The following CDH12 variants were observed in gnomAD, a reference collection of about 807,000 sequenced individuals.
CDH12 encodes the protein cadherin 12, also known as cadherin-12.
A neutral mutation model predicts 74.1 loss-of-function variants in CDH12; 41 were observed. The ratio of observed to expected loss-of-function variants is 0.55; its 90% CI spans 0.43 to 0.72. The LOEUF (loss-of-function observed/expected upper bound fraction) is 0.72. CDH12 is among the 30% of genes least tolerant of loss of function. CDH12 has a pLI of 0.00. For missense variants in CDH12, 945 were observed against 977.2 expected (o/e 0.97, Z 0.44); for synonymous variants, 399 against 355.0 (o/e 1.12, Z -1.39).
intron 2 of CDH12, among the ~76,000 whole-genome samples, chr5:22,438,299 G>C (rs1205732739): frequency 2.0e-5 from 3 of 151,926 alleles, no homozygotes; most frequent in Admixed American, 2.0e-4. Context: ...CCTACAGAAT[G>C]TAAAGAAGCT....
chr5:21,911,135 CAGAG>C (rs1753842373), intron 6 of CDH12, among the ~76,000 whole-genome samples: 1 of 152,162 alleles, frequency 6.6e-6, no homozygotes, highest in African/African-American at 2.4e-5. Flanking sequence ...AGTCCCCAGA[CAGAG>C]ATAGTGGCTG....
At chr5:22,696,809 A>C (rs1285017268) in intron 1 of CDH12, among the ~76,000 whole-genome samples, 1 of 152,170 alleles carries the variant, frequency 6.6e-6, no homozygotes, top group Admixed American at 6.5e-5. Context: ...TTACACTTAC[A>C]GTGCTTTATG....
intron 12 of CDH12, among the ~76,000 whole-genome samples, chr5:21,762,982 A>T (rs1744812982): frequency 1.3e-5 from 2 of 151,722 alleles, no homozygotes; most frequent in Admixed American, 1.3e-4. Flanking sequence ...CAACCAAATC[A>T]GGTTATTTAT....
At chr5:22,136,101 T>C (rs1580305366) in intron 4 of CDH12, among the ~76,000 whole-genome samples, 2 of 151,894 alleles carry the variant, frequency 1.3e-5, no homozygotes, top group East Asian at 3.9e-4. Flanking sequence ...AATGGATAGG[T>C]AAGTTATATT....
intron 4 of CDH12, among the ~76,000 whole-genome samples, chr5:22,079,301 A>G (rs1742552177): frequency 6.6e-6 from 1 of 152,206 alleles, no homozygotes; most frequent in Non-Finnish European, 1.5e-5. Context: ...AATAGATGAC[A>G]GTAGCACCCC....
At chr5:22,559,865 T>C (rs894296544) in intron 1 of CDH12, among the ~76,000 whole-genome samples, 1 of 152,164 alleles carries the variant, frequency 6.6e-6, no homozygotes, top group Non-Finnish European at 1.5e-5. Flanking sequence ...AATGAATATA[T>C]TATGTCATAC....
intron 1 of CDH12, among the ~76,000 whole-genome samples, chr5:22,725,021 T>A (rs1358734519): frequency 6.6e-6 from 1 of 151,860 alleles, no homozygotes; most frequent in African/African-American, 2.4e-5. Flanking sequence ...GTTGGGACTT[T>A]GCTATCTTTG....
chr5:22,467,151 A>G (rs1745769166), intron 2 of CDH12, among the ~76,000 whole-genome samples: 1 of 152,112 alleles, frequency 6.6e-6, no homozygotes, highest in African/African-American at 2.4e-5. Context: ...CTTGATCCCC[A>G]CAGATCCAGG....
intron 6 of CDH12, among the ~76,000 whole-genome samples, chr5:21,868,002 T>G (rs1299030253): frequency 1.3e-5 from 2 of 152,188 alleles, no homozygotes; most frequent in Admixed American, 1.3e-4. Flanking sequence ...TGGTAGTGAA[T>G]AGGTCTCAAA....
At chr5:22,138,701 T>C (rs1475190637) in intron 4 of CDH12, among the ~76,000 whole-genome samples, 1 of 149,916 alleles carries the variant, frequency 6.7e-6, no homozygotes, top group African/African-American at 2.4e-5. Flanking sequence ...TTTAACATCA[T>C]AGAGACAAAG....
At chr5:22,256,153 A>AT (rs1235328412) in intron 3 of CDH12, among the ~76,000 whole-genome samples, 1 of 152,116 alleles carries the variant, frequency 6.6e-6, no homozygotes, top group African/African-American at 2.4e-5. Context: ...AGTGTAAAAT[A>AT]TTTTTTCTAT....
chr5:21,811,531 A>G (rs563816073), intron 9 of CDH12, among the ~76,000 whole-genome samples: 1 of 152,132 alleles, frequency 6.6e-6, no homozygotes, highest in South Asian at 2.1e-4. Context: ...CTAGTGACTA[A>G]ACACAAATTT....
Position 22,549,243 on chromosome 5 carries a change from G to A in CDH12, c.-522-43879C>T, listed in dbSNP as rs889528779. Among the ~76,000 whole-genome samples the A allele has an allele frequency of 2.0e-5, 3 of 151,932 alleles. No individual in the cohort carries two copies. In the South Asian group the frequency reaches 6.2e-4, roughly 32 times the overall value. ...CCGCCTAGGACTCCCAAAGTGCTGAGATTATAGACCTGAGCCACCGCACCT... is the reference window on the plus strand; with the variant it reads ...CCGCCTAGGACTCCCAAAGTGCTGAAATTATAGACCTGAGCCACCGCACCT... On this transcript the variant is annotated intron_variant, in intron 1 of 14. Coordinates refer to ENST00000382254, the MANE Select transcript of CDH12 (RefSeq NM_004061.5).
chr5:21,988,463 G>T (rs570004124), intron 5 of CDH12, among the ~76,000 whole-genome samples: 188 of 125,550 alleles, frequency 1.5e-3, no homozygotes, highest in Middle Eastern at 6.9e-3. Flanking sequence ...CTGCACTCCA[G>T]CCTGGGCGAC....
intron 3 of CDH12, among the ~76,000 whole-genome samples, chr5:22,239,935 T>C (rs1302590515): frequency 6.6e-6 from 1 of 152,184 alleles, no homozygotes; most frequent in Non-Finnish European, 1.5e-5. Context: ...TACAATATTT[T>C]CTGCAGCATA....
At chr5:22,656,429 T>G (rs1740038647) in intron 1 of CDH12, among the ~76,000 whole-genome samples, 1 of 152,164 alleles carries the variant, frequency 6.6e-6, no homozygotes, top group South Asian at 2.1e-4. Flanking sequence ...CTTACATCAT[T>G]GAAACATCAA....
At chr5:21,820,088 G>C (rs756895925) in intron 8 of CDH12, among the ~76,000 whole-genome samples, 1 of 151,734 alleles carries the variant, frequency 6.6e-6, no homozygotes, top group African/African-American at 2.4e-5. Context: ...CTCCAATATG[G>C]GGGAAAAAAA....
At chr5:22,587,803 A>C (rs1284912144) in intron 1 of CDH12, among the ~76,000 whole-genome samples, 1 of 151,746 alleles carries the variant, frequency 6.6e-6, no homozygotes, top group East Asian at 1.9e-4. Flanking sequence ...TCAACATTCA[A>C]TAGATAGATA....
intron 4 of CDH12, among the ~76,000 whole-genome samples, chr5:22,083,067 T>C (rs970174619): frequency 2.6e-5 from 4 of 152,240 alleles, no homozygotes; most frequent in Admixed American, 2.0e-4. Flanking sequence ...TTTGGGGATC[T>C]GCACATATCT....
Sources: gnomAD v4.1 joint callset for allele counts (sites outside exome capture counted in the v4.1 genomes callset) on GRCh38, gnomAD v4.1.1 for gene constraint, MANE v1.5 for transcripts, NCBI Gene and HGNC (gene_info 2026-07-23, HGNC 2026-07-21) for gene names.